ST6GALNAC2: variants seen among roughly 807,000 people sequenced by gnomAD.
ST6GALNAC2 encodes the protein ST6 N-acetylgalactosaminide alpha-2,6-sialyltransferase 2, also known as alpha-N-acetylgalactosaminide alpha-2,6-sialyltransferase 2.
Under a neutral mutation model 38.7 loss-of-function variants are expected in ST6GALNAC2, and 42 were observed. The ratio of observed to expected loss-of-function variants is 1.09; its 90% confidence interval spans 0.85 to 1.40. The LOEUF (loss-of-function observed/expected upper bound fraction) is 1.40. Ranked by LOEUF, ST6GALNAC2 falls within the 40% of genes most tolerant of loss-of-function variation. The pLI is 0.00. For synonymous variants in ST6GALNAC2, 233 were observed against 209.0 expected (o/e 1.11, Z -0.99); for missense variants, 506 against 481.7 (o/e 1.05, Z -0.47).
At chr17:76,578,114 G>A (rs909776414) in intron 2 of ST6GALNAC2, among the ~76,000 whole-genome samples, 2 of 152,144 alleles carry the variant, frequency 1.3e-5, no homozygotes, top group Non-Finnish European at 2.9e-5. Context: ...GGTGGAGTGG[G>A]ATGAGGTTGG....
chr17:76,582,059 G>A (rs1483221146), intron 1 of ST6GALNAC2, among the ~76,000 whole-genome samples: 1 of 150,648 alleles, frequency 6.6e-6, no homozygotes, highest in Non-Finnish European at 1.5e-5. Flanking sequence ...GTAGAGACGA[G>A]TTTCACCATG....
chr17:76,583,835 G>T (rs909562230), intron 1 of ST6GALNAC2, among the ~76,000 whole-genome samples: 3 of 145,436 alleles, frequency 2.1e-5, no homozygotes, highest in Non-Finnish European at 4.5e-5. Context: ...TTGAGATGGA[G>T]TCTCGCTCTG....
Position 76,585,828 on chromosome 17 carries a change from G to A in ST6GALNAC2, c.-20C>T. The stretch of plus-strand genomic sequence containing the variant: ...CCCCATACAGCCCCGGCCCGCGAGC[G>A]CCCCGTCCGCTGACGTCCCAGGCAG... On this transcript the variant is annotated 5_prime_UTR_variant, in exon 1 of 9. Transcript: ENST00000225276. 3.3e-6 allele frequency: 5 copies of A among 1,526,338 alleles called. No individual in the cohort carries two copies. Among genetic ancestry groups the A allele is most frequent in the Non-Finnish European group, 3.5e-6 (4 of 1,139,610 alleles). 94.5% of individuals were successfully genotyped at this position (1,526,338 alleles called of 1,614,324 possible). A position where few individuals can be genotyped will look rare whatever the true frequency, so the allele number is the denominator to read the frequency against.
chr17:76,579,031 T>A, intron 1 of ST6GALNAC2: 1 of 334,978 alleles, frequency 3.0e-6, no homozygotes, highest in South Asian at 4.3e-5. Flanking sequence ...GTGATTCTCC[T>A]GCCTCAGCCT....
chr17:76,579,381 GA>G (rs1449030188), intron 1 of ST6GALNAC2, among the ~76,000 whole-genome samples: 12 of 152,226 alleles, frequency 7.9e-5, no homozygotes, highest in African/African-American at 2.9e-4. Flanking sequence ...TAAAATATAT[GA>G]AAATAGAAAA....
At chr17:76,567,875 TC>T (rs2075304647) in intron 7 of ST6GALNAC2, 2 of 300,046 alleles carry the variant, frequency 6.7e-6, no homozygotes, top group South Asian at 6.5e-5. Context: ...CTACTCCACA[TC>T]TTGATTAAGT....
intron 1 of ST6GALNAC2, among the ~76,000 whole-genome samples, chr17:76,582,921 A>T (rs1225348678): frequency 1.3e-5 from 2 of 152,278 alleles, no homozygotes; most frequent in African/African-American, 4.8e-5. Flanking sequence ...ACAGAGAAAC[A>T]GCAGGAAAGG....
intron 8 of ST6GALNAC2, 67 bp downstream of exon 8, chr17:76,567,386 G>A (rs2143286891): frequency 8.7e-7 from 1 of 1,152,462 alleles, no homozygotes; most frequent in Non-Finnish European, 1.3e-6. Flanking sequence ...GGATATCAGG[G>A]GATCCTGTTG....
At chr17:76,572,825 G>C (rs755139239) in intron 4 of ST6GALNAC2, 50 bp from the exon 5 acceptor site, 2 of 1,609,510 alleles carry the variant, frequency 1.2e-6, no homozygotes, top group Non-Finnish European at 1.7e-6. Context: ...CAGGCCGTCT[G>C]TTCTGCTTCC....
intron 2 of ST6GALNAC2, 56 bp downstream of exon 2, chr17:76,578,700 C>T: frequency 6.6e-7 from 1 of 1,524,690 alleles, no homozygotes; most frequent in Non-Finnish European, 9.0e-7. Context: ...CTTCTTCCCT[C>T]CTCCCCACTA....
intron 1 of ST6GALNAC2, among the ~76,000 whole-genome samples, chr17:76,582,832 C>G (rs2075496216): frequency 6.6e-6 from 1 of 152,136 alleles, no homozygotes; most frequent in Non-Finnish European, 1.5e-5. Flanking sequence ...CCCACTCTCT[C>G]CCAGACTAAA....
rs570232136 is a variant in ST6GALNAC2 at position 76,584,516 on chromosome 17, G to C, written c.125+1168C>G. Among the ~76,000 whole-genome samples, 26 of 152,228 alleles carry C rather than the reference G, an allele frequency of 1.7e-4. No homozygotes were observed. In the South Asian group the frequency reaches 5.4e-3, roughly 32 times the overall value. ...TTCTTTTGAGACAGGGTCTCTCTCT[G>C]TCAACCAGGCTGGAATGCAGTAGTG... On this transcript the variant is annotated intron_variant, in intron 1 of 8. Coordinates refer to ENST00000225276, the MANE Select transcript of ST6GALNAC2 (RefSeq NM_006456.3).
In ST6GALNAC2 at chr17:76,573,753, C is replaced by T. The variant is rs923219100; in HGVS notation, c.362-390G>A. On this transcript the variant is annotated intron_variant, in intron 3 of 8. Transcript: ENST00000225276. The surrounding 1 kb of genome is among the most constrained non-coding windows in gnomAD (Gnocchi z 5.1). Reference sequence around the variant, plus strand: ...GACCAGCCTGGGCAACATGGTGAAACCATGTCTCTATTAAAAATACAAAAA... The same window carrying T: ...GACCAGCCTGGGCAACATGGTGAAATCATGTCTCTATTAAAAATACAAAAA... 3.3e-5 allele frequency among the ~76,000 whole-genome samples: 5 copies of T among 152,186 alleles called. No homozygotes were observed. Among genetic ancestry groups the T allele is most frequent in the Admixed American group, 2.6e-4 (4 of 15,280 alleles).
intron 1 of ST6GALNAC2, among the ~76,000 whole-genome samples, chr17:76,585,092 CT>C (rs2075529002): frequency 6.6e-6 from 1 of 152,224 alleles, no homozygotes; most frequent in Non-Finnish European, 1.5e-5. Flanking sequence ...AGTCACCCCT[CT>C]TTCCCTCGGG....
chr17:76,570,523 C>T (rs372780114), intron 6 of ST6GALNAC2, 42 bp downstream of exon 6: 2 of 1,421,184 alleles, frequency 1.4e-6, no homozygotes, highest in Non-Finnish European at 2.0e-6. Context: ...GTGTCCCTTG[C>T]CCCTCTGCCA....
At chr17:76,585,185 G>C (rs1016782178) in intron 1 of ST6GALNAC2, among the ~76,000 whole-genome samples, 1 of 152,206 alleles carries the variant, frequency 6.6e-6, no homozygotes, top group African/African-American at 2.4e-5. Flanking sequence ...GAGCGGGCGC[G>C]GGGCGGACAG....
chr17:76,580,195 T>C (rs2075459936), intron 1 of ST6GALNAC2, among the ~76,000 whole-genome samples: 1 of 152,132 alleles, frequency 6.6e-6, no homozygotes, highest in Non-Finnish European at 1.5e-5. Context: ...CCGAGGTGGG[T>C]GGATCACGAG....
chr17:76,578,279 C>T (rs1465039521), intron 2 of ST6GALNAC2, among the ~76,000 whole-genome samples: 1 of 152,088 alleles, frequency 6.6e-6, no homozygotes, highest in Non-Finnish European at 1.5e-5. Flanking sequence ...GCGAGGCTTC[C>T]GTGAGAGAAC....
chr17:76,574,474 G>C lies in ST6GALNAC2; in HGVS notation c.252C>G (p.Phe84Leu). Residue 84 changes from phenylalanine (F) to leucine (L), a missense_variant, in exon 3 of 9, where the codon TTC (phenylalanine) becomes TTG (leucine). Phe to Leu is a conservative substitution (Grantham distance 22). Transcript: ENST00000225276. ...IQRHPHFRGL[F>L]NLSIPVLLWG... ...ACAGCAGCACTGGAATGGAGAGATT[G>C]AACAGGCCACGGAAGTGGGGGTGCC... 5.0e-6 allele frequency: 8 copies of C among 1,612,976 alleles called. No individual in the cohort carries two copies. Among genetic ancestry groups the C allele is most frequent in the Non-Finnish European group, 5.9e-6 (7 of 1,179,438 alleles).
Sources: gnomAD v4.1 joint callset for allele counts (sites outside exome capture counted in the v4.1 genomes callset) on GRCh38, gnomAD v4.1.1 for gene constraint, Gnocchi (gnomAD v3.1) non-coding constraint, MANE v1.5 for transcripts, NCBI Gene and HGNC (gene_info 2026-07-23, HGNC 2026-07-21) for gene names.